The following TTC17 variants were observed in gnomAD, a reference collection of about 807,000 sequenced individuals.
TTC17 encodes tetratricopeptide repeat domain 17.
A neutral mutation model predicts 143.8 loss-of-function variants in TTC17; 58 were observed. The observed-to-expected ratio is 0.40, with a 90% CI of 0.33 to 0.50. The LOEUF is 0.50. Ranked by LOEUF, TTC17 falls within the 20% of genes least tolerant of loss-of-function variation. TTC17 has a pLI of 0.49. For missense variants in TTC17, 1,273 were observed against 1,392.5 expected, an observed-to-expected ratio of 0.91 and a Z score of 1.37; for synonymous variants, 501 against 497.8, an observed-to-expected ratio of 1.01 and a Z score of -0.09.
At chr11:43,379,699 GC>G (rs1330383042) in intron 2 of TTC17, among the ~76,000 whole-genome samples, 10 of 152,174 alleles carry the variant, frequency 6.6e-5, no homozygotes, top group African/African-American at 2.2e-4. Flanking sequence ...GGTTTTAATA[GC>G]CTAAAAATGT....
intron 15 of TTC17, among the ~76,000 whole-genome samples, chr11:43,409,618 T>TA (rs1858310397): frequency 6.6e-6 from 1 of 152,178 alleles, no homozygotes; most frequent in Non-Finnish European, 1.5e-5. Context: ...AGGAAACTCT[T>TA]AAGAGTTAAA....
Position 43,397,498 on chromosome 11 carries a change from A to T in TTC17, c.918+7A>T. On this transcript the variant is annotated splice_region_variant and intron_variant, in intron 7 of 23. Coordinates refer to ENST00000039989, the MANE Select transcript of TTC17 (RefSeq NM_018259.6). ...TTTGGGGAATATATATGCAGTAAGTACTACTCTTTGTTTCATGAGTCATGC... is the reference window on the plus strand; with the variant it reads ...TTTGGGGAATATATATGCAGTAAGTTCTACTCTTTGTTTCATGAGTCATGC... The T allele has an allele frequency of 1.3e-6, 2 of 1,591,106 alleles. No homozygotes were observed. Among genetic ancestry groups the T allele is most frequent in the Non-Finnish European group, 8.6e-7 (1 of 1,169,332 alleles).
chr11:43,362,051 G>T (rs572517782), intron 1 of TTC17, among the ~76,000 whole-genome samples: 38 of 150,024 alleles, frequency 2.5e-4, no homozygotes, highest in African/African-American at 7.2e-4. Flanking sequence ...CGCTATCTTG[G>T]CTCACCACAA....
chr11:43,416,029 A>C (rs916859696), intron 16 of TTC17, among the ~76,000 whole-genome samples: 2 of 152,154 alleles, frequency 1.3e-5, no homozygotes, highest in Non-Finnish European at 2.9e-5. Context: ...TAATAGTTGC[A>C]TTGTTCTTAC....
intron 16 of TTC17, among the ~76,000 whole-genome samples, chr11:43,432,611 G>C (rs1947183714): frequency 1.3e-5 from 2 of 152,184 alleles, no homozygotes; most frequent in Non-Finnish European, 2.9e-5. Flanking sequence ...GTAAGTCATA[G>C]AATCTCCCCA....
intron 21 of TTC17, among the ~76,000 whole-genome samples, chr11:43,472,618 A>C (rs1294196582): frequency 6.6e-6 from 1 of 152,188 alleles, no homozygotes; most frequent in African/African-American, 2.4e-5. Flanking sequence ...TTAAGCAGAC[A>C]AAAAAATCAG....
At chr11:43,408,934 G>C (rs910673893) in intron 15 of TTC17, among the ~76,000 whole-genome samples, 1 of 151,764 alleles carries the variant, frequency 6.6e-6, no homozygotes, top group South Asian at 2.1e-4. Context: ...GTAGAGATGG[G>C]GTTTCACCAT....
Position 43,422,328 on chromosome 11 carries a change from G to T in TTC17, c.2251+7552G>T, listed in dbSNP as rs78342862. 6.2e-3 allele frequency among the ~76,000 whole-genome samples: 938 copies of T among 152,260 alleles called. 13 individuals are homozygous for T. Among genetic ancestry groups the T allele is most frequent in the African/African-American group, 0.021 (885 of 41,552 alleles). The stretch of plus-strand genomic sequence containing the variant: ...TTGGTTTTGGACATGTTAAATTTGA[G>T]TTGCCTATTAAGTGTTCAAGTAGAG... On this transcript the variant is annotated intron_variant, in intron 16 of 23. Coordinates refer to ENST00000039989, the MANE Select transcript of TTC17 (RefSeq NM_018259.6).
At chr11:43,387,478 T>G (rs929247827) in intron 2 of TTC17, among the ~76,000 whole-genome samples, 1 of 151,836 alleles carries the variant, frequency 6.6e-6, no homozygotes, top group Non-Finnish European at 1.5e-5. Context: ...GAGGGAATAA[T>G]TGGAAACAGA....
At chr11:43,394,942 G>A (rs758382899) in intron 5 of TTC17, among the ~76,000 whole-genome samples, 3 of 151,940 alleles carry the variant, frequency 2.0e-5, no homozygotes, top group Non-Finnish European at 2.9e-5. Flanking sequence ...AGAAAGGAGG[G>A]AGTAGTTCAC....
At chr11:43,475,527 G>T (rs1489573913) in intron 21 of TTC17, among the ~76,000 whole-genome samples, 2 of 152,038 alleles carry the variant, frequency 1.3e-5, no homozygotes, top group Admixed American at 6.6e-5. Context: ...TAGAGACAAG[G>T]TCTTCCCTGT....
chr11:43,398,857 GGCA>G (rs1857726416), intron 8 of TTC17, among the ~76,000 whole-genome samples: 1 of 152,120 alleles, frequency 6.6e-6, no homozygotes, highest in South Asian at 2.1e-4. Flanking sequence ...ATCTTTTTAA[GGCA>G]TAATGTGGTA....
intron 18 of TTC17, 33 bp from the exon 19 acceptor site, chr11:43,447,969 A>G (rs1283842391): frequency 3.1e-6 from 5 of 1,609,584 alleles, no homozygotes; most frequent in African/African-American, 2.7e-5. Context: ...TTCCTTTGCA[A>G]TTGTGTGGAT....
chr11:43,379,493 C>G (rs546962794), intron 2 of TTC17, among the ~76,000 whole-genome samples, 171 bp downstream of exon 2: 1 of 151,698 alleles, frequency 6.6e-6, no homozygotes, highest in South Asian at 2.1e-4. Context: ...TTTTCTTTAT[C>G]ATTTTATCAA....
At chr11:43,479,697 T>C (rs184069637) in intron 21 of TTC17, among the ~76,000 whole-genome samples, 61 of 152,148 alleles carry the variant, frequency 4.0e-4, no homozygotes, top group African/African-American at 1.3e-3. Flanking sequence ...GCAAATTTGA[T>C]TTAGAGAATT....
intron 13 of TTC17, among the ~76,000 whole-genome samples, chr11:43,406,655 C>T (rs1299368373): frequency 6.6e-6 from 1 of 151,814 alleles, no homozygotes; most frequent in African/African-American, 2.4e-5. Context: ...ACATTATGTG[C>T]CAGACATTGT....
In TTC17 at chr11:43,414,577, T is replaced by G. The variant is rs1321770451; in HGVS notation, c.2065-13T>G. 2 of 1,585,284 alleles carry G rather than the reference T, an allele frequency of 1.3e-6. No homozygotes were observed. The highest frequency in any genetic ancestry group is 2.7e-5 in the African/African-American group (2 of 73,110). On this transcript the variant is annotated splice_polypyrimidine_tract_variant and intron_variant, in intron 15 of 23. Transcript: ENST00000039989. ...AGTTCATTAACATTTTGCCGATTTTTTTTTCTTTTCAGCCTCTGACCTTTT... is the reference window on the plus strand; with the variant it reads ...AGTTCATTAACATTTTGCCGATTTTGTTTTCTTTTCAGCCTCTGACCTTTT...
intron 22 of TTC17, 127 bp from the exon 23 acceptor site, chr11:43,491,893 C>T: frequency 1.6e-6 from 2 of 1,245,796 alleles, no homozygotes; most frequent in South Asian, 1.5e-5. Flanking sequence ...AGCACAAAAG[C>T]ACTTTGAGTG....
At chr11:43,477,466 T>C (rs1289737922) in intron 21 of TTC17, among the ~76,000 whole-genome samples, 1 of 152,196 alleles carries the variant, frequency 6.6e-6, no homozygotes, top group Non-Finnish European at 1.5e-5. Flanking sequence ...TTAATTGGTC[T>C]TACAGTTCCA....
Sources: gnomAD v4.1 joint callset for allele counts (sites outside exome capture counted in the v4.1 genomes callset) on GRCh38, gnomAD v4.1.1 for gene constraint, MANE v1.5 for transcripts, NCBI Gene and HGNC (gene_info 2026-07-23, HGNC 2026-07-21) for gene names.